The following ZNF92 variants were observed in gnomAD, a reference collection of about 807,000 sequenced individuals.
The protein encoded by ZNF92 is epididymis luminal protein 203.
A neutral mutation model predicts 12.4 loss-of-function variants in ZNF92; 11 were observed. That is an observed-to-expected ratio of 0.89 (90% confidence interval 0.56 to 1.47). The LOEUF (loss-of-function observed/expected upper bound fraction) is 1.47. Ranked by LOEUF, ZNF92 falls within the 40% of genes most tolerant of loss-of-function variation. The probability of loss-of-function intolerance (pLI) is 0.00; values close to 1 mark genes in which losing one functional copy is unlikely to be tolerated. For missense variants in ZNF92, 622 were observed against 681.0 expected, an observed-to-expected ratio of 0.91 and a Z score of 0.96; for synonymous variants, 206 against 228.6, an observed-to-expected ratio of 0.90 and a Z score of 0.89.
chr7:65,399,077 CT>C lies in ZNF92; in HGVS notation c.966del (p.Phe322LeufsTer12). 1 of 1,612,096 alleles carries C rather than the reference CT, an allele frequency of 6.2e-7. No homozygotes were observed. The highest frequency in any genetic ancestry group is 8.5e-7 in the Non-Finnish European group (1 of 1,179,414). ...PYKCEECGKA[F>X]RVFSILKKHK... ...ACAAATGTGAAGAATGTGGCAAAGC[CT>C]TTAGAGTATTCTCAATTCTTAAAAA... On this transcript the variant is annotated frameshift_variant, in exon 4 of 4. Transcript: ENST00000328747. LOFTEE classifies it low-confidence loss of function (END_TRUNC).
intron 1 of ZNF92, 149 bp downstream of exon 1, chr7:65,374,149 C>A (rs1011591895): frequency 1.8e-6 from 2 of 1,130,422 alleles, no homozygotes; most frequent in Non-Finnish European, 2.6e-6. Flanking sequence ...CCCTCAGTCT[C>A]CTTCAGCCAT....
chr7:65,388,274 G>T, intron 2 of ZNF92: 1 of 276,484 alleles, frequency 3.6e-6, no homozygotes. Flanking sequence ...GAAATTTATT[G>T]GCATAAAATA....
chr7:65,391,881 TAC>T, intron 3 of ZNF92, among the ~76,000 whole-genome samples: 1 of 152,242 alleles, frequency 6.6e-6, no homozygotes, highest in African/African-American at 2.4e-5. Context: ...AGTACACAGT[TAC>T]ACTCAAATAT....
chr7:65,387,624 T>C (rs1452109499), intron 1 of ZNF92, among the ~76,000 whole-genome samples: 1 of 151,346 alleles, frequency 6.6e-6, no homozygotes, highest in East Asian at 1.9e-4. Flanking sequence ...AAATGTACGT[T>C]TGTGTTCATG....
Position 65,398,971 on chromosome 7 carries a change from A to T in ZNF92, c.857A>T (p.Lys286Ile). 1 of 1,613,470 alleles carries T rather than the reference A, an allele frequency of 6.2e-7. No homozygotes were observed. The change falls in exon 4 of 4, where the codon AAA (lysine) becomes ATA (isoleucine). Residue 286 changes from lysine to isoleucine, a missense_variant. Physicochemically the swap from Lys to Ile is moderately radical, Grantham distance 102. Transcript: ENST00000328747. ...ATTCATACAGAAGAGAAACCCTACA[A>T]ATGTGAAGAATGTGGCAAGGCCTTT... ...KRIHTEEKPYKCEECGKAFNQ... is the reference protein window; with the variant it reads ...KRIHTEEKPYICEECGKAFNQ...
chr7:65,378,741 CA>C (rs35355370), intron 1 of ZNF92, among the ~76,000 whole-genome samples: 66,485 of 144,922 alleles, frequency 0.46, 15,241 homozygotes, highest in East Asian at 0.7. Context: ...GACTCCGTCT[CA>C]AAAAAAAAAA....
chr7:65,387,510 GA>G (rs893315957), intron 1 of ZNF92, among the ~76,000 whole-genome samples: 1 of 151,992 alleles, frequency 6.6e-6, no homozygotes, highest in Admixed American at 6.6e-5. Flanking sequence ...CAGATGTTCT[GA>G]AAAAATATAT....
chr7:65,399,571 G>A lies in ZNF92; in HGVS notation c.1457G>A (p.Cys486Tyr). 9.3e-6 allele frequency: 15 copies of A among 1,613,756 alleles called. No homozygotes were observed. The highest frequency in any genetic ancestry group is 1.3e-5 in the Non-Finnish European group (15 of 1,179,814). Residue 486 changes from cysteine to tyrosine, a missense_variant, in exon 4 of 4, where the codon TGT becomes TAT. Cys to Tyr is a radical substitution (Grantham distance 194). Transcript: ENST00000328747. Reference sequence around the variant, plus strand: ...GAAAAACCCTACAAATGTGAAGAATGTGGCAAAGCCTTTAACCAGTCCTCA... The same window carrying A: ...GAAAAACCCTACAAATGTGAAGAATATGGCAAAGCCTTTAACCAGTCCTCA... ...TREKPYKCEE[C>Y]GKAFNQSSIF...
In ZNF92 at chr7:65,399,609, C is replaced by T. The variant is rs1562800017; in HGVS notation, c.1495C>T (p.His499Tyr). 3 of 1,613,580 alleles carry T rather than the reference C, an allele frequency of 1.9e-6. No homozygotes were observed. The highest frequency in any genetic ancestry group is 2.2e-5 in the South Asian group (2 of 91,052). Reference sequence around the variant, plus strand: ...TAACCAGTCCTCAATTTTTACTAAACATAAGATAATTCACACTGAAGGGAA... The same window carrying T: ...TAACCAGTCCTCAATTTTTACTAAATATAAGATAATTCACACTGAAGGGAA... The part of the protein sequence containing the change: ...AFNQSSIFTK[H>Y]KIIHTEGKSY... The change falls in exon 4 of 4, where the codon CAT (histidine) becomes TAT (tyrosine). Residue 499 changes from histidine (H) to tyrosine (Y), a missense_variant. By Grantham distance (83) the His-to-Tyr change is moderately conservative. Transcript: ENST00000328747.
intron 1 of ZNF92, among the ~76,000 whole-genome samples, chr7:65,380,341 G>A (rs1793372361): frequency 6.6e-6 from 1 of 151,932 alleles, no homozygotes. Flanking sequence ...GCTCACTGCA[G>A]CCTCAATCTC....
chr7:65,374,582 G>GTT (rs549084506), intron 1 of ZNF92, among the ~76,000 whole-genome samples: 2 of 152,006 alleles, frequency 1.3e-5, no homozygotes, highest in Middle Eastern at 3.4e-3. Flanking sequence ...CAGTTACGTC[G>GTT]TTTTTTAATT....
rs1431416167 is a variant in ZNF92, at chr7:65,373,963, C to T, written c.-35C>T. On this transcript the variant is annotated 5_prime_UTR_variant, in exon 1 of 4. Transcript: ENST00000328747. ...TTACCTGCAAGAACTTGGAGGTTCA[C>T]AGCTAAGACGCCAGGACCCCCTGGA... The T allele has an allele frequency of 7.4e-6, 12 of 1,613,964 alleles. No individual in the cohort carries two copies. The highest frequency in any genetic ancestry group is 1.0e-5 in the Non-Finnish European group (12 of 1,179,978).
In ZNF92 at chr7:65,397,063, T is replaced by A. The variant is rs369325148; in HGVS notation, c.227-1278T>A. 9.9e-5 allele frequency among the ~76,000 whole-genome samples: 15 copies of A among 152,124 alleles called. 1 individual carries two copies. In the East Asian group the frequency reaches 2.9e-3, roughly 29 times the overall value. On this transcript the variant is annotated intron_variant, in intron 3 of 3. Transcript: ENST00000328747. ...TTCTCCCATGAATATATTGATTTAA[T>A]TGATGGTGGCCAGTAAGTTTTACCT...
intron 1 of ZNF92, among the ~76,000 whole-genome samples, chr7:65,376,670 C>T (rs1003225463): frequency 3.3e-5 from 5 of 152,120 alleles, no homozygotes. Context: ...TGGTCTTGAA[C>T]TCCTGACCTC....
At chr7:65,393,537 A>G (rs1793775952) in intron 3 of ZNF92, among the ~76,000 whole-genome samples, 1 of 152,156 alleles carries the variant, frequency 6.6e-6, no homozygotes, top group Non-Finnish European at 1.5e-5. Flanking sequence ...GGGATACAGT[A>G]ATAACAATTC....
intron 1 of ZNF92, among the ~76,000 whole-genome samples, chr7:65,380,387 C>T (rs143730130): frequency 6.6e-6 from 1 of 152,064 alleles, no homozygotes; most frequent in Non-Finnish European, 1.5e-5. Flanking sequence ...CTACCTAAGC[C>T]CCCCAAGTAG....
rs941803950 is a variant in ZNF92, at chr7:65,373,867, A to T, written c.-131A>T. 3.9e-6 allele frequency: 5 copies of T among 1,295,994 alleles called. No individual in the cohort carries two copies. Among genetic ancestry groups the T allele is most frequent in the Admixed American group, 1.7e-5 (1 of 57,666 alleles). 80.3% of individuals were successfully genotyped at this position (1,295,994 alleles called of 1,614,324 possible). A position where few individuals can be genotyped will look rare whatever the true frequency, so the allele number is the denominator to read the frequency against. ...TGGCGGGGCCTTTGTCTCTCGCTGC[A>T]GCCGGCGCTCCACGTCTAGTCTTCA... On this transcript the variant is annotated 5_prime_UTR_variant, in exon 1 of 4. Coordinates refer to ENST00000328747, the MANE Select transcript of ZNF92 (RefSeq NM_152626.4).
intron 3 of ZNF92, among the ~76,000 whole-genome samples, chr7:65,391,817 GA>G (rs1370206248): frequency 6.6e-6 from 1 of 152,010 alleles, no homozygotes; most frequent in Non-Finnish European, 1.5e-5. Context: ...CATTTTCTCT[GA>G]AATTTTACTG....
chr7:65,379,776 G>A (rs1001597263), intron 1 of ZNF92, among the ~76,000 whole-genome samples: 21 of 152,004 alleles, frequency 1.4e-4, no homozygotes, highest in Non-Finnish European at 2.2e-4. Flanking sequence ...TGCCTGCATG[G>A]ACACAAATAA....
Sources: gnomAD v4.1 joint callset for allele counts (sites outside exome capture counted in the v4.1 genomes callset) on GRCh38, gnomAD v4.1.1 for gene constraint, MANE v1.5 for transcripts, NCBI Gene and HGNC (gene_info 2026-07-23, HGNC 2026-07-21) for gene names.